NOL10: variants seen among roughly 807,000 people sequenced by gnomAD.
NOL10 encodes the protein nucleolar protein 10, also known as H_NH0074G24.1.
NOL10 carries 58 observed loss-of-function variants against 103.5 expected under a neutral mutation model. That is an observed-to-expected ratio of 0.56 (90% confidence interval 0.45 to 0.70). The LOEUF (loss-of-function observed/expected upper bound fraction) is 0.70, where lower values mean the gene tolerates loss of function less well. Among genes scored for constraint, NOL10 ranks in the 30% least tolerant of loss-of-function variants. The probability of loss-of-function intolerance (pLI) is 0.00; values close to 1 mark genes in which losing one functional copy is unlikely to be tolerated. For synonymous variants in NOL10, 287 were observed against 282.5 expected, an observed-to-expected ratio of 1.02 and a Z score of -0.16; for missense variants, 763 against 807.3, an observed-to-expected ratio of 0.95 and a Z score of 0.67.
chr2:10,666,490 G>A (rs146850957), intron 8 of NOL10, among the ~76,000 whole-genome samples: 128 of 152,042 alleles, frequency 8.4e-4, no homozygotes, highest in African/African-American at 2.4e-3. Context: ...CACCACACCC[G>A]GCTAATTTTT....
At chr2:10,627,938 C>T (rs977064115) in intron 13 of NOL10, among the ~76,000 whole-genome samples, 6 of 151,958 alleles carry the variant, frequency 3.9e-5, no homozygotes, top group Non-Finnish European at 5.9e-5. Flanking sequence ...TAAAAATATA[C>T]ATCTGAATTC....
chr2:10,636,420 CA>C (rs70953327), intron 13 of NOL10, among the ~76,000 whole-genome samples: 1,905 of 54,706 alleles, frequency 0.035, 21 homozygotes, highest in African/African-American at 0.09. Flanking sequence ...TACAAAAAAC[CA>C]AAAAAAAAAA....
rs148659715 is a variant in NOL10 at position 10,582,225 on chromosome 2, G to C, written c.1845-4487C>G. ...AAAACATGCCATATTAATTCACAAA[G>C]TGGATAATGTTGCAGACACGATAAA... On this transcript the variant is annotated intron_variant, in intron 19 of 20. Transcript: ENST00000381685. Among the ~76,000 whole-genome samples the C allele has an allele frequency of 3.3e-5, 5 of 152,258 alleles. No homozygotes were observed. The East Asian group carries it at 9.6e-4, about 29-fold the overall frequency.
intron 17 of NOL10, among the ~76,000 whole-genome samples, chr2:10,589,975 C>A (rs1312695967): frequency 6.6e-6 from 1 of 152,174 alleles, no homozygotes; most frequent in Non-Finnish European, 1.5e-5. Context: ...ATGCTCTACA[C>A]CACTTGGCCA....
Position 10,584,975 on chromosome 2 carries a change from C to G in NOL10, c.1844+4068G>C, listed in dbSNP as rs570486701. ...GAGAGATTAGTCAGACCGCCTACCCCCAAATCACAGCCTCCTGTTGCTGTG... is the reference window on the plus strand; with the variant it reads ...GAGAGATTAGTCAGACCGCCTACCCGCAAATCACAGCCTCCTGTTGCTGTG... On this transcript the variant is annotated intron_variant, in intron 19 of 20. Coordinates refer to ENST00000381685, the MANE Select transcript of NOL10 (RefSeq NM_024894.4). Among the ~76,000 whole-genome samples, 6 of 152,320 alleles carry G rather than the reference C, an allele frequency of 3.9e-5. No homozygotes were observed. In the East Asian group the frequency reaches 5.8e-4, roughly 15 times the overall value.
rs1018912661 is a variant in NOL10, at chr2:10,592,489, G to A, written c.1423-2738C>T. ...CTGGGAACGATGCGCCATGTCTCAGGAGAAGGGAGGGGGCTATGATGTAAA... is the reference window on the plus strand; with the variant it reads ...CTGGGAACGATGCGCCATGTCTCAGAAGAAGGGAGGGGGCTATGATGTAAA... On this transcript the variant is annotated intron_variant, in intron 17 of 20. Coordinates refer to ENST00000381685, the MANE Select transcript of NOL10 (RefSeq NM_024894.4). Among the ~76,000 whole-genome samples the A allele has an allele frequency of 2.0e-5, 3 of 152,160 alleles. No homozygotes were observed. In the East Asian group the frequency reaches 5.8e-4, roughly 29 times the overall value.
intron 9 of NOL10, among the ~76,000 whole-genome samples, chr2:10,661,541 T>C (rs993371838): frequency 6.6e-6 from 1 of 152,028 alleles, no homozygotes; most frequent in Non-Finnish European, 1.5e-5. Flanking sequence ...CCGGCTAATT[T>C]TGTATTTTTA....
intron 14 of NOL10, among the ~76,000 whole-genome samples, chr2:10,606,676 T>C (rs1050964627): frequency 6.6e-6 from 1 of 152,102 alleles, no homozygotes; most frequent in African/African-American, 2.4e-5. Context: ...TTGCTGTTCT[T>C]TTAAGACACT....
intron 5 of NOL10, 165 bp downstream of exon 5, chr2:10,673,355 A>G: frequency 2.2e-6 from 1 of 446,376 alleles, no homozygotes; most frequent in South Asian, 7.1e-5. Flanking sequence ...TTAATAAAAA[A>G]TGATGGGTTA....
chr2:10,635,256 CAA>C (rs938322812), intron 13 of NOL10, among the ~76,000 whole-genome samples: 1 of 152,160 alleles, frequency 6.6e-6, no homozygotes, highest in African/African-American at 2.4e-5. Flanking sequence ...TGTTGGCACT[CAA>C]AAGAGTTTTA....
intron 17 of NOL10, among the ~76,000 whole-genome samples, chr2:10,595,586 T>TC: frequency 1.4e-5 from 1 of 72,158 alleles, no homozygotes; most frequent in South Asian, 4.2e-4. Context: ...AAATGTTTTT[T>TC]TGTTTTGTTT....
chr2:10,682,015 G>A lies in NOL10; in HGVS notation c.167C>T (p.Thr56Ile), dbSNP rs773946665. The stretch of plus-strand genomic sequence containing the variant: ...TCCATCTTTTGACACCTTAATAGTG[G>A]TACACACAGTAGGCATTTCAAAGTC... The part of the protein sequence containing the change: ...IQDFEMPTVC[T>I]TIKVSKDGQY... The change falls in exon 3 of 21, where the codon ACC (threonine) becomes ATC (isoleucine). Residue 56 changes from threonine to isoleucine, a missense_variant. Transcript: ENST00000381685. 6.5e-7 allele frequency: 1 copy of A among 1,531,588 alleles called. No homozygotes were observed. Among genetic ancestry groups the A allele is most frequent in the East Asian group, 2.4e-5 (1 of 41,918 alleles). The allele number at this position is 1,531,588 out of a possible 1,614,324, so 94.9% of individuals were successfully genotyped here.
chr2:10,625,971 C>T (rs929029474), intron 13 of NOL10, among the ~76,000 whole-genome samples: 3 of 151,704 alleles, frequency 2.0e-5, no homozygotes, highest in Non-Finnish European at 4.4e-5. Context: ...CTCAGGAGTT[C>T]AAGATCAGCC....
chr2:10,590,976 C>CTAT (rs1452148819), intron 17 of NOL10: 2 of 152,240 alleles, frequency 1.3e-5, no homozygotes, highest in African/African-American at 4.8e-5. Flanking sequence ...GACTACTTTA[C>CTAT]TATTTCTCCA....
chr2:10,662,936 A>T, intron 9 of NOL10, 23 bp downstream of exon 9: 1 of 1,556,316 alleles, frequency 6.4e-7, no homozygotes, highest in Non-Finnish European at 8.9e-7. Context: ...GAACATTTAC[A>T]TTGCAAATTA....
chr2:10,577,565 A>G lies in NOL10; in HGVS notation c.1947+71T>C, dbSNP rs558117524. The G allele has an allele frequency of 3.3e-5, 35 of 1,058,028 alleles. No individual in the cohort carries two copies. The East Asian group carries it at 4.4e-4, about 13-fold the overall frequency. The allele number at this position is 1,058,028 out of a possible 1,614,324, so 65.5% of individuals were successfully genotyped here. ...GCATTGAGAAGGCTGCTCTGAGGAC[A>G]CACACACAAACACTATTGAAAGGCT... On this transcript the variant is annotated intron_variant, in intron 20 of 20. Coordinates refer to ENST00000381685, the MANE Select transcript of NOL10 (RefSeq NM_024894.4).
At chr2:10,609,545 A>C (rs556416953) in intron 13 of NOL10, among the ~76,000 whole-genome samples, 1 of 151,972 alleles carries the variant, frequency 6.6e-6, no homozygotes, top group East Asian at 1.9e-4. Flanking sequence ...GCTTGCAGTG[A>C]GCCAAGATCA....
intron 19 of NOL10, among the ~76,000 whole-genome samples, chr2:10,579,560 CTT>C (rs398043037): frequency 6.9e-6 from 1 of 144,304 alleles, no homozygotes; most frequent in Non-Finnish European, 1.5e-5. Context: ...TTTCGGTTAG[CTT>C]TTTTTTTTTT....
intron 13 of NOL10, among the ~76,000 whole-genome samples, chr2:10,640,349 A>T (rs1163583446): frequency 6.6e-6 from 1 of 152,198 alleles, no homozygotes; most frequent in African/African-American, 2.4e-5. Flanking sequence ...TGGTGCTATA[A>T]AATATCACTC....
Sources: allele counts gnomAD v4.1 joint callset (sites outside exome capture counted in the v4.1 genomes callset), GRCh38; gene constraint gnomAD v4.1.1; transcripts MANE v1.5; gene names NCBI Gene and HGNC (gene_info 2026-07-23, HGNC 2026-07-21).